MED23: variants seen among roughly 807,000 people sequenced by gnomAD.
The protein encoded by MED23 is mediator complex subunit 23, also known as mediator of RNA polymerase II transcription subunit 23.
MED23 carries 105 observed loss-of-function variants against 163.9 expected under a neutral mutation model. The ratio of observed to expected loss-of-function variants is 0.64; its 90% CI spans 0.55 to 0.75. The LOEUF is 0.75. MED23 is among the 30% of genes least tolerant of loss of function. The probability of loss-of-function intolerance (pLI) is 0.00; values close to 1 mark genes in which losing one functional copy is unlikely to be tolerated. For missense variants in MED23, 1,054 were observed against 1,649.0 expected (o/e 0.64, Z 6.25); for synonymous variants, 561 against 565.6 (o/e 0.99, Z 0.12).
At position 131,598,446 on chromosome 6, in the gene MED23, G is replaced by A; in HGVS notation, c.2448C>T (p.Ala816=). The change falls in exon 20 of 29, where the codon GCC becomes GCT. Residue 816 remains alanine (A), a synonymous_variant. Coordinates refer to ENST00000368068, the MANE Select transcript of MED23 (RefSeq NM_004830.4). The surrounding 1 kb of genome is among the most constrained non-coding windows in gnomAD (Gnocchi z 4.7). ...IGYRVLERIG[A]RALVAHVRTF... is the part of the protein sequence containing the mutation. ...TCCTCACATGGGCTACCAAGGCCCTGGCTCCAATTCTCTCTAATACTCTGG... is the reference window on the plus strand; with the variant it reads ...TCCTCACATGGGCTACCAAGGCCCTAGCTCCAATTCTCTCTAATACTCTGG... 1.2e-6 allele frequency: 2 copies of A among 1,614,146 alleles called. No homozygotes were observed. Among genetic ancestry groups the A allele is most frequent in the Non-Finnish European group, 1.7e-6 (2 of 1,180,028 alleles).
chr6:131,575,028 A>G (rs549970011), intron 30 of MED23, among the ~76,000 whole-genome samples: 3 of 152,316 alleles, frequency 2.0e-5, no homozygotes, highest in African/African-American at 7.2e-5. Flanking sequence ...CCCAGCTTAG[A>G]AAGTCGGTGG....
intron 10 of MED23, among the ~76,000 whole-genome samples, chr6:131,611,810 A>C (rs114104111): frequency 0.012 from 1,755 of 152,282 alleles, 34 homozygotes; most frequent in African/African-American, 0.041. Context: ...TTCTCCATCC[A>C]TAATGGTCTT....
chr6:131,575,977 G>A (rs1393510724), intron 30 of MED23, among the ~76,000 whole-genome samples: 1 of 152,140 alleles, frequency 6.6e-6, no homozygotes, highest in African/African-American at 2.4e-5. Flanking sequence ...GTGAGTACAT[G>A]CACGTAGGTC....
At chr6:131,575,784 G>A (rs151277976) in intron 30 of MED23, among the ~76,000 whole-genome samples, 16 of 152,340 alleles carry the variant, frequency 1.1e-4, no homozygotes, top group Admixed American at 2.0e-4. Context: ...AGGAAGACTT[G>A]CCCCTTGGAG....
Position 131,587,012 on chromosome 6 carries a change from G to A in MED23, c.*667C>T. ...CATTTAAGCATGATTTTAAGTTCAA[G>A]AATTTTCAGATGTTATTTTCTTACA... On this transcript the variant is annotated 3_prime_UTR_variant, in exon 29 of 29. Transcript: ENST00000368068. 6.9e-7 allele frequency: 1 copy of A among 1,448,822 alleles called. No homozygotes were observed. 89.7% of individuals were successfully genotyped at this position (1,448,822 alleles called of 1,614,324 possible).
At chr6:131,584,050 C>T (rs1279216962), downstream of MED23, 3 of 919,776 alleles carry the variant, frequency 3.3e-6, no homozygotes, top group Non-Finnish European at 4.7e-6. Flanking sequence ...TACAAATTCC[C>T]TCTTGGTGTA....
chr6:131,609,645 A>G (rs574305086), intron 11 of MED23, among the ~76,000 whole-genome samples: 1 of 146,886 alleles, frequency 6.8e-6, no homozygotes, highest in Admixed American at 7.0e-5. Context: ...TGCTTTCATT[A>G]TAACAACTAT....
chr6:131,583,049 C>A (rs1196070839), downstream of MED23: 1 of 1,588,462 alleles, frequency 6.3e-7, no homozygotes. Context: ...ATCTTAATTT[C>A]TCTTTTATAG....
At chr6:131,606,662 A>T (rs1283769641) in intron 12 of MED23, 38 bp from the exon 13 acceptor site, 2 of 1,492,828 alleles carry the variant, frequency 1.3e-6, no homozygotes, top group African/African-American at 2.8e-5. Context: ...ACAATAGAAG[A>T]AAGAGAAGAA....
intron 24 of MED23, 122 bp downstream of exon 24, chr6:131,592,884 A>G: frequency 8.7e-7 from 1 of 1,148,960 alleles, no homozygotes; most frequent in African/African-American, 1.5e-5. Flanking sequence ...GGAACCAGAA[A>G]ACAGTCATCA....
chr6:131,590,280 C>T (rs765100631), intron 27 of MED23, 42 bp downstream of exon 27: 1 of 1,571,168 alleles, frequency 6.4e-7, no homozygotes, highest in East Asian at 2.3e-5. Flanking sequence ...ATAGATACTT[C>T]AGAATTTAAT....
Position 131,590,385 on chromosome 6 carries a change from T to A in MED23, c.3744A>T (p.Val1248=). 1 of 1,608,648 alleles carries A rather than the reference T, an allele frequency of 6.2e-7. No homozygotes were observed. The highest frequency in any genetic ancestry group is 8.5e-7 in the Non-Finnish European group (1 of 1,175,226). ...IVKTEFQLLY[V]YHLVGPFLQR... Reference sequence around the variant, plus strand: ...GTAAAAATGGTCCAACAAGATGGTATACATAAAGCAACTGGAATTCGGTCT... The same window carrying A: ...GTAAAAATGGTCCAACAAGATGGTAAACATAAAGCAACTGGAATTCGGTCT... Residue 1248 remains valine, a synonymous_variant, in exon 27 of 29, where the codon GTA becomes GTT. Transcript: ENST00000368068.
At chr6:131,627,816 G>C in intron 1 of MED23, 144 bp from the exon 2 acceptor site, 1 of 1,033,656 alleles carries the variant, frequency 9.7e-7, no homozygotes, top group Non-Finnish European at 1.5e-6. Flanking sequence ...TCACTGTATC[G>C]ATTTCAAAGG....
At chr6:131,588,250 A>T (rs1174050119) in intron 28 of MED23, among the ~76,000 whole-genome samples, 1 of 152,260 alleles carries the variant, frequency 6.6e-6, no homozygotes, top group Non-Finnish European at 1.5e-5. Context: ...TTACAGAAGC[A>T]TGAAGCATAA....
At position 131,615,503 on chromosome 6, in the gene MED23, C is replaced by CAAAAAAAAAAAAAAAAAAAAAAAAAAAA. The variant is rs917020235; in HGVS notation, c.876+376_876+403dup. ...CCACCAAAAACAAGCAAACACACAC[C>CAAAAAAAAAAAAAAAAAAAAAAAAAAAA]AAAAAAAAAAAAAAAAAAAAAAAAA... On this transcript the variant is annotated intron_variant, in intron 10 of 28. Coordinates refer to ENST00000368068, the MANE Select transcript of MED23 (RefSeq NM_004830.4). Among the ~76,000 whole-genome samples the CAAAAAAAAAAAAAAAAAAAAAAAAAAAA allele has an allele frequency of 1.1e-3, 16 of 14,160 alleles. 6 individuals are homozygous for CAAAAAAAAAAAAAAAAAAAAAAAAAAAA. The highest frequency in any genetic ancestry group is 3.3e-3 in the Admixed American group (3 of 918). The allele number at this position is 14,160 out of a possible 152,430, so 9.3% of individuals were successfully genotyped here. A position where few individuals can be genotyped will look rare whatever the true frequency, so the allele number is the denominator to read the frequency against.
At chr6:131,609,733 CAT>C (rs921959930) in intron 11 of MED23, among the ~76,000 whole-genome samples, 33 of 144,722 alleles carry the variant, frequency 2.3e-4, no homozygotes, top group African/African-American at 4.8e-4. Context: ...TATACACATA[CAT>C]ATATATATAT....
chr6:131,593,255 G>T, intron 23 of MED23, 84 bp from the exon 24 acceptor site: 1 of 1,535,918 alleles, frequency 6.5e-7, no homozygotes. Context: ...GAAGTGATTT[G>T]TCTACGCTTA....
chr6:131,622,135 A>G (rs1777156332), intron 5 of MED23, among the ~76,000 whole-genome samples, 156 bp from the exon 6 acceptor site: 1 of 152,216 alleles, frequency 6.6e-6, no homozygotes, highest in Non-Finnish European at 1.5e-5. Context: ...ACCCAACAGA[A>G]GAGTCATGTT....
Position 131,587,392 on chromosome 6 carries a change from C to A in MED23, c.*287G>T. The A allele has an allele frequency of 1.7e-6, 2 of 1,211,870 alleles. No individual in the cohort carries two copies. 75.1% of individuals were successfully genotyped at this position (1,211,870 alleles called of 1,614,324 possible). A position where few individuals can be genotyped will look rare whatever the true frequency, so the allele number is the denominator to read the frequency against. ...TAGGAAAGACTGAAAGTGCCAATGACAAGTCATTTGATCACAGATACCTCT... is the reference window on the plus strand; with the variant it reads ...TAGGAAAGACTGAAAGTGCCAATGAAAAGTCATTTGATCACAGATACCTCT... On this transcript the variant is annotated 3_prime_UTR_variant, in exon 29 of 29. Coordinates refer to ENST00000368068, the MANE Select transcript of MED23 (RefSeq NM_004830.4).
Sources: allele counts gnomAD v4.1 joint callset (sites outside exome capture counted in the v4.1 genomes callset), GRCh38; gene constraint gnomAD v4.1.1; non-coding constraint Gnocchi (gnomAD v3.1); transcripts MANE v1.5; gene names NCBI Gene and HGNC (gene_info 2026-07-23, HGNC 2026-07-21).